Variants in SYNPO2L observed in about 807,000 individuals in gnomAD.
The protein encoded by SYNPO2L is synaptopodin 2 like, also known as synaptopodin 2-like protein.
SYNPO2L carries 34 observed loss-of-function variants against 47.5 expected under a neutral mutation model. The observed-to-expected ratio is 0.72, with a 90% CI of 0.54 to 0.95. SYNPO2L has a LOEUF of 0.95. Ranked by LOEUF, SYNPO2L falls within the 40% of genes least tolerant of loss-of-function variation. The pLI, the probability that SYNPO2L is intolerant of heterozygous loss-of-function variation, is 0.00. For synonymous variants in SYNPO2L, 536 were observed against 524.9 expected (o/e 1.02, Z -0.29); for missense variants, 1,246 against 1,282.0 (o/e 0.97, Z 0.43).
chr10:73,653,222 T>C lies in SYNPO2L; in HGVS notation c.689A>G (p.His230Arg), dbSNP rs1264514735. ...LPHGPLRPGP[H>R]LIPMVGPVPH... ...AACAGGCCCCACCATAGGGATGAGATGAGGACCAGGTCGGAGGGGGCCATG... is the reference window on the plus strand; with the variant it reads ...AACAGGCCCCACCATAGGGATGAGACGAGGACCAGGTCGGAGGGGGCCATG... The change falls in exon 3 of 4, where the codon CAT becomes CGT. Residue 230 changes from histidine to arginine, a missense_variant. His to Arg is a conservative substitution (Grantham distance 29). Transcript: ENST00000394810. 1 of 1,513,550 alleles carries C rather than the reference T, an allele frequency of 6.6e-7. No individual in the cohort carries two copies. The highest frequency in any genetic ancestry group is 8.9e-7 in the Non-Finnish European group (1 of 1,126,712). The allele number at this position is 1,513,550 out of a possible 1,614,324, so 93.8% of individuals were successfully genotyped here.
Position 73,653,653 on chromosome 10 carries a change from C to T in SYNPO2L, c.258G>A (p.Arg86=). The T allele has an allele frequency of 6.5e-7, 1 of 1,537,470 alleles. No homozygotes were observed. Among genetic ancestry groups the T allele is most frequent in the South Asian group, 1.2e-5 (1 of 82,498 alleles). The change falls in exon 3 of 4, where the codon CGG becomes CGA. Residue 86 remains arginine, a splice_region_variant and synonymous_variant. Coordinates refer to ENST00000394810, the MANE Select transcript of SYNPO2L (RefSeq NM_001114133.3). ...ATTGCACAGGACCCTCGTCTGCTAA[C>T]CTGGATAGGAAAGATGACAGAGCTT... ...SGNQLVLTVQ[R]LADEGPVQSP... is the part of the protein sequence containing the mutation.
chr10:73,654,922 C>T (rs1050967340), intron 1 of SYNPO2L, among the ~76,000 whole-genome samples: 3 of 152,108 alleles, frequency 2.0e-5, no homozygotes, highest in African/African-American at 7.2e-5. Flanking sequence ...TCTATATTGG[C>T]TGGTAATTCT....
chr10:73,650,972 G>A lies in SYNPO2L; in HGVS notation c.773-2093C>T, dbSNP rs139092972. The A allele has an allele frequency of 2.6e-5, 42 of 1,613,878 alleles. No homozygotes were observed. The African/African-American group carries it at 4.7e-4, about 18-fold the overall frequency. On this transcript the variant is annotated intron_variant, in intron 3 of 3. Transcript: ENST00000394810. ...GGGCTTTGTCATAGCTGGCTTGGCTGAGGGGCTCTTGGCTGATGGGCTCAA... is the reference window on the plus strand; with the variant it reads ...GGGCTTTGTCATAGCTGGCTTGGCTAAGGGGCTCTTGGCTGATGGGCTCAA...
Position 73,648,851 on chromosome 10 carries a change from C to G in SYNPO2L, c.801G>C (p.Glu267Asp). 6.5e-7 allele frequency: 1 copy of G among 1,534,228 alleles called. No homozygotes were observed. Residue 267 changes from glutamate (E) to aspartate (D), a missense_variant, in exon 4 of 4, where the codon GAG becomes GAC. By Grantham distance (45) the Glu-to-Asp change is conservative. Coordinates refer to ENST00000394810, the MANE Select transcript of SYNPO2L (RefSeq NM_001114133.3). ...TGGTCTTGGCCTCTTTTATGCTCTT[C>G]TCTTGGAGGCTCTCTGCACGTTGCA... ...AKLQRAESLQEKSIKEAKTKC... is the reference protein window; with the variant it reads ...AKLQRAESLQDKSIKEAKTKC...
At chr10:73,653,723 T>C (rs1198867171) in intron 2 of SYNPO2L, 70 bp from the exon 3 acceptor site, 8 of 1,457,694 alleles carry the variant, frequency 5.5e-6, no homozygotes, top group East Asian at 2.5e-5. Context: ...CTGGAAGGGA[T>C]GGAGGGAAGA....
Position 73,653,163 on chromosome 10 carries a change from A to G in SYNPO2L, c.748T>C (p.Tyr250His). The change falls in exon 3 of 4, where the codon TAC (tyrosine) becomes CAC (histidine). Residue 250 changes from tyrosine to histidine, a missense_variant. This residue lies in a region of SYNPO2L where 1,037 missense variants were observed against 1,021.5 expected (regional missense o/e 1.02). Transcript: ENST00000394810. ...HPVAEDLTTTYTQKAKQAKLQ... is the reference protein window; with the variant it reads ...HPVAEDLTTTHTQKAKQAKLQ... ...CTGGCTTGCTTGGCCTTCTGGGTGTAGGTGGTAGTAAGATCTTCTGCCACT... is the reference window on the plus strand; with the variant it reads ...CTGGCTTGCTTGGCCTTCTGGGTGTGGGTGGTAGTAAGATCTTCTGCCACT... 6.9e-7 allele frequency: 1 copy of G among 1,453,078 alleles called. No individual in the cohort carries two copies. Among genetic ancestry groups the G allele is most frequent in the Non-Finnish European group, 9.1e-7 (1 of 1,098,370 alleles). 90.0% of individuals were successfully genotyped at this position (1,453,078 alleles called of 1,614,324 possible).
Position 73,650,820 on chromosome 10 carries a change from C to A in SYNPO2L, c.773-1941G>T, listed in dbSNP as rs2081835172. 3.5e-6 allele frequency: 5 copies of A among 1,432,076 alleles called. No individual in the cohort carries two copies. In the South Asian group the frequency reaches 4.9e-5, roughly 14 times the overall value. The allele number at this position is 1,432,076 out of a possible 1,614,324, so 88.7% of individuals were successfully genotyped here. A position where few individuals can be genotyped will look rare whatever the true frequency, so the allele number is the denominator to read the frequency against. On this transcript the variant is annotated intron_variant, in intron 3 of 3. Transcript: ENST00000394810. ...AGCAAAAAGGAACAAGAGAGTAAGA[C>A]CTTTCCCAAAGACTACCCTTCCTAA...
At position 73,653,462 on chromosome 10, in the gene SYNPO2L, G is replaced by T. The variant is rs1414394631; in HGVS notation, c.449C>A (p.Thr150Asn). The change falls in exon 3 of 4, where the codon ACC (threonine) becomes AAC (asparagine). Residue 150 changes from threonine to asparagine, a missense_variant. Thr to Asn is a moderately conservative substitution (Grantham distance 65). Coordinates refer to ENST00000394810, the MANE Select transcript of SYNPO2L (RefSeq NM_001114133.3). The part of the protein sequence containing the change: ...ETDSDADGPA[T>N]QEKPRRPRRR... ...GCGAGGTCGACGGGGCTTCTCCTGG[G>T]TGGCAGGGCCATCAGCATCACTGTC... 6.4e-7 allele frequency: 1 copy of T among 1,551,612 alleles called. No individual in the cohort carries two copies. Among genetic ancestry groups the T allele is most frequent in the South Asian group, 1.2e-5 (1 of 84,060 alleles).
At position 73,655,893 on chromosome 10, in the gene SYNPO2L, T is replaced by C; in HGVS notation, c.30A>G (p.Thr10=). Residue 10 remains threonine, a synonymous_variant, in exon 1 of 4, where the codon ACA becomes ACG. Transcript: ENST00000394810. MGAEEEVLV[T]LSGGAPWGFR... ...AGCCCCAGGGGGCTCCCCCTGATAG[T>C]GTGACCAGCACCTCCTCCTCAGCAC... The C allele has an allele frequency of 6.4e-7, 1 of 1,551,266 alleles. No homozygotes were observed. Among genetic ancestry groups the C allele is most frequent in the Non-Finnish European group, 8.7e-7 (1 of 1,146,892 alleles).
rs1199975585 is a variant in SYNPO2L, at chr10:73,654,213, C to G, written c.173G>C (p.Gly58Ala). The G allele has an allele frequency of 6.4e-7, 1 of 1,551,560 alleles. No individual in the cohort carries two copies. Among genetic ancestry groups the G allele is most frequent in the African/African-American group, 1.4e-5 (1 of 73,112 alleles). ...ATGGGAGAGGTTGGTGCAAGAGACC[C>G]CATTGATTGCCAAGAGCTGGTCCCT... ...RERDQLLAIN[G>A]VSCTNLSHAS... is the part of the protein sequence containing the mutation. Residue 58 changes from glycine (G) to alanine (A), a missense_variant, in exon 2 of 4, where the codon GGG (glycine) becomes GCG (alanine). Gly to Ala is a moderately conservative substitution (Grantham distance 60). Around this residue, in one of 3 missense-constraint regions of SYNPO2L, gnomAD observed 148 missense variants for 204.8 expected, o/e 0.72. Coordinates refer to ENST00000394810, the MANE Select transcript of SYNPO2L (RefSeq NM_001114133.3).
chr10:73,647,471 A>G lies in SYNPO2L; in HGVS notation c.2181T>C (p.Pro727=), dbSNP rs1589451226. ...CAAGGAGCCCTCGAGATGGGGGCTTAGGAGCCACTGGGGGTGGAGTCTTAG... is the reference window on the plus strand; with the variant it reads ...CAAGGAGCCCTCGAGATGGGGGCTTGGGAGCCACTGGGGGTGGAGTCTTAG... ...MTPKTPPPVA[P]KPPSRGLLDG... The change falls in exon 4 of 4, where the codon CCT becomes CCC. Residue 727 remains proline, a synonymous_variant. Transcript: ENST00000394810. 2 of 1,595,842 alleles carry G rather than the reference A, an allele frequency of 1.3e-6. No homozygotes were observed. Among genetic ancestry groups the G allele is most frequent in the South Asian group, 1.1e-5 (1 of 89,434 alleles).
rs145685115 is a variant in SYNPO2L, at chr10:73,646,987, G to A, written c.2665C>T (p.Arg889Trp). 16 of 1,612,538 alleles carry A rather than the reference G, an allele frequency of 9.9e-6. No homozygotes were observed. In the Admixed American group the frequency reaches 1.2e-4, roughly 12 times the overall value. ...PKTARVQEIR[R>W]FSTPAPQPTA... ...GGCTGGGGTGCCGGAGTGGAAAACC[G>A]GCGAATCTCCTGGACTCGGGCAGTT... Residue 889 changes from arginine to tryptophan, a missense_variant, in exon 4 of 4, where the codon CGG becomes TGG. Transcript: ENST00000394810.
At position 73,655,910 on chromosome 10, in the gene SYNPO2L, C is replaced by T. The variant is rs1356697574; in HGVS notation, c.13G>A (p.Glu5Lys). ...CCTGATAGTGTGACCAGCACCTCCTCCTCAGCACCCATCGCTCAGCTTGGC... is the reference window on the plus strand; with the variant it reads ...CCTGATAGTGTGACCAGCACCTCCTTCTCAGCACCCATCGCTCAGCTTGGC... MGAE[E>K]EVLVTLSGGA... Residue 5 changes from glutamate to lysine, a missense_variant, in exon 1 of 4, where the codon GAG becomes AAG. By Grantham distance (56) the Glu-to-Lys change is moderately conservative (BLOSUM62 1). Around this residue, in one of 3 missense-constraint regions of SYNPO2L, gnomAD observed 61 missense variants for 55.6 expected, o/e 1.10. Coordinates refer to ENST00000394810, the MANE Select transcript of SYNPO2L (RefSeq NM_001114133.3). The T allele has an allele frequency of 6.4e-7, 1 of 1,551,020 alleles. No homozygotes were observed. Among genetic ancestry groups the T allele is most frequent in the East Asian group, 2.4e-5 (1 of 40,888 alleles).
intron 3 of SYNPO2L, chr10:73,650,035 G>A: frequency 1.0e-6 from 1 of 985,444 alleles, no homozygotes; most frequent in Non-Finnish European, 1.2e-6. Context: ...GTGCTAAAGG[G>A]AACCAGGGCA....
intron 3 of SYNPO2L, among the ~76,000 whole-genome samples, chr10:73,652,902 T>A (rs544466860): frequency 6.6e-6 from 1 of 152,306 alleles, no homozygotes; most frequent in African/African-American, 2.4e-5. Context: ...CCAATTTCCC[T>A]ACTTACCCTG....
chr10:73,649,621 A>G (rs1444222443), intron 3 of SYNPO2L: 1 of 672,548 alleles, frequency 1.5e-6, no homozygotes, highest in Non-Finnish European at 1.8e-6. Flanking sequence ...ACTTATGTAA[A>G]TACACATGTG....
chr10:73,647,211 T>C lies in SYNPO2L; in HGVS notation c.2441A>G (p.Asn814Ser). The change falls in exon 4 of 4, where the codon AAC becomes AGC. Residue 814 changes from asparagine (N) to serine (S), a missense_variant. By Grantham distance (46) the Asn-to-Ser change is conservative. Transcript: ENST00000394810. ...NIRAPPPIAY[N>S]PLLSPFFPQA... ...GGGGAAAAAGGGAGAGAGCAGTGGG[T>C]TGTAAGCAATAGGAGGCGGGGCACG... is the stretch of plus-strand genomic sequence containing the variant. 1.9e-6 allele frequency: 3 copies of C among 1,613,352 alleles called. No homozygotes were observed. The highest frequency in any genetic ancestry group is 2.5e-6 in the Non-Finnish European group (3 of 1,179,766).
chr10:73,649,670 C>G (rs1019801587), intron 3 of SYNPO2L: 1 of 962,430 alleles, frequency 1.0e-6, no homozygotes, highest in Non-Finnish European at 1.2e-6. Flanking sequence ...CATTCACACA[C>G]CTACATGCTC....
intron 3 of SYNPO2L, among the ~76,000 whole-genome samples, chr10:73,650,502 A>T (rs1276703009): frequency 1.3e-5 from 2 of 152,182 alleles, no homozygotes; most frequent in Non-Finnish European, 2.9e-5. Flanking sequence ...GGATTAACTG[A>T]GATAATATAG....
Sources: allele counts gnomAD v4.1 joint callset (sites outside exome capture counted in the v4.1 genomes callset), GRCh38; gene constraint gnomAD v4.1.1; regional missense constraint gnomAD v4.1.1; transcripts MANE v1.5; gene names NCBI Gene and HGNC (gene_info 2026-07-23, HGNC 2026-07-21).